RAPGEF3: variants seen among roughly 807,000 people sequenced by gnomAD.
RAPGEF3 encodes the protein Rap guanine nucleotide exchange factor 3.
Under a neutral mutation model 129.8 loss-of-function variants are expected in RAPGEF3, and 103 were observed. That is an observed-to-expected ratio of 0.79 (90% confidence interval 0.68 to 0.93). The LOEUF (loss-of-function observed/expected upper bound fraction) is 0.93. Among genes scored for constraint, RAPGEF3 ranks in the 40% least tolerant of loss-of-function variants. RAPGEF3 has a pLI of 0.00. For synonymous variants in RAPGEF3, 436 were observed against 482.6 expected, an observed-to-expected ratio of 0.90 and a Z score of 1.26; for missense variants, 1,117 against 1,207.4, an observed-to-expected ratio of 0.93 and a Z score of 1.11.
rs1385599771 is a variant in RAPGEF3, at chr12:47,747,537, G to A, written c.1556+7C>T. 6.2e-7 allele frequency: 1 copy of A among 1,612,862 alleles called. No individual in the cohort carries two copies. ...GAAATGACAAATTAACAGAGTCAAAGCATCACCTGTGGCATCGCCGCCTCT... is the reference window on the plus strand; with the variant it reads ...GAAATGACAAATTAACAGAGTCAAAACATCACCTGTGGCATCGCCGCCTCT... On this transcript the variant is annotated splice_region_variant and intron_variant, in intron 15 of 27. Transcript: ENST00000449771.
At chr12:47,741,731 G>A in intron 18 of RAPGEF3, 129 bp from the exon 19 acceptor site, 1 of 749,286 alleles carries the variant, frequency 1.3e-6, no homozygotes, top group Non-Finnish European at 2.3e-6. Flanking sequence ...TTGAAGTCCT[G>A]GGTGGTGCTC....
At chr12:47,751,594 G>T (rs1398503544) in intron 4 of RAPGEF3, 74 bp from the exon 5 acceptor site, 2 of 1,604,416 alleles carry the variant, frequency 1.2e-6, no homozygotes, top group Admixed American at 1.7e-5. Flanking sequence ...CATTAGAAAG[G>T]CACCCTCTGA....
At position 47,749,913 on chromosome 12, in the gene RAPGEF3, T is replaced by C. The variant is rs777412170; in HGVS notation, c.817+17A>G. 1.2e-6 allele frequency: 2 copies of C among 1,614,214 alleles called. No homozygotes were observed. Among genetic ancestry groups the C allele is most frequent in the Non-Finnish European group, 8.5e-7 (1 of 1,180,026 alleles). ...TCCAGGCCCTGTGCCTGGCTTCTTA[T>C]GCCCTGCTGGACTTACACACGGTCC... On this transcript the variant is annotated intron_variant, in intron 8 of 27. Transcript: ENST00000449771. The surrounding 1 kb of genome is among the most constrained non-coding windows in gnomAD (Gnocchi z 4.5).
intron 7 of RAPGEF3, 46 bp downstream of exon 7, chr12:47,750,295 G>A (rs1367775504): frequency 1.3e-6 from 2 of 1,556,986 alleles, no homozygotes; most frequent in Admixed American, 3.4e-5. Flanking sequence ...GTCACAGGAA[G>A]AGAAGATGCC....
chr12:47,752,022 T>G (rs1247517781), intron 2 of RAPGEF3, 53 bp from the exon 3 acceptor site: 5 of 1,582,290 alleles, frequency 3.2e-6, no homozygotes, highest in Non-Finnish European at 4.3e-6. Context: ...CAAGCCCAGC[T>G]CTTGGATACC....
intron 11 of RAPGEF3, 57 bp from the exon 12 acceptor site, chr12:47,748,599 G>A: frequency 7.1e-7 from 1 of 1,415,842 alleles, no homozygotes; most frequent in Non-Finnish European, 9.9e-7. Flanking sequence ...TCCCACACCT[G>A]GGCAGACATC....
At chr12:47,741,202 G>A (rs547409724) in intron 19 of RAPGEF3, 162 bp from the exon 20 acceptor site, 49 of 949,884 alleles carry the variant, frequency 5.2e-5, no homozygotes, top group Middle Eastern at 3.4e-4. Context: ...GCAGCTGGAG[G>A]ATAGGGCTCC....
rs773924035 is a variant in RAPGEF3, at chr12:47,757,907, G to A, written c.178C>T (p.Leu60=). 4 of 1,556,914 alleles carry A rather than the reference G, an allele frequency of 2.6e-6. No individual in the cohort carries two copies. The highest frequency in any genetic ancestry group is 1.7e-6 in the Non-Finnish European group (2 of 1,150,372). ...RPRSCSYQLL[L]EHQRPSCIQG... ...ATGCAGCTCGGACGCTGGTGCTCCA[G>A]CAGCAGCTGGTAGGAGCAGCTTCGG... The change falls in exon 2 of 28, where the codon CTG becomes TTG. Residue 60 remains leucine (L), a synonymous_variant. Coordinates refer to ENST00000449771, the MANE Select transcript of RAPGEF3 (RefSeq NM_001098531.4).
Position 47,749,408 on chromosome 12 carries a change from G to A in RAPGEF3, c.1023C>T (p.Asp341=), listed in dbSNP as rs1941611948. The A allele has an allele frequency of 6.2e-7, 1 of 1,612,934 alleles. No homozygotes were observed. Residue 341 remains aspartate (D), a synonymous_variant, in exon 10 of 28, where the codon GAC becomes GAT. Coordinates refer to ENST00000449771, the MANE Select transcript of RAPGEF3 (RefSeq NM_001098531.4). This position sits in a 1 kb window ranked among gnomAD's most constrained non-coding sequence, Gnocchi z 4.5. ...NCHFLRVDKQ[D]FNRIIKDVEA... The stretch of plus-strand genomic sequence containing the variant: ...GCAGCACCTTGATGATACGGTTGAA[G>A]TCCTGCTTGTCCACACGCAGGAAAT...
In RAPGEF3 at chr12:47,749,805, C is replaced by G; in HGVS notation, c.830G>C (p.Gly277Ala). The G allele has an allele frequency of 6.2e-7, 1 of 1,614,194 alleles. No homozygotes were observed. The highest frequency in any genetic ancestry group is 1.1e-5 in the South Asian group (1 of 91,082). The change falls in exon 9 of 28, where the codon GGG (glycine) becomes GCG (alanine). Residue 277 changes from glycine to alanine, a missense_variant. Coordinates refer to ENST00000449771, the MANE Select transcript of RAPGEF3 (RefSeq NM_001098531.4). This position sits in a 1 kb window ranked among gnomAD's most constrained non-coding sequence, Gnocchi z 4.5. ...SKAGTVLFSQGDKGTSWYIIW... is the reference protein window; with the variant it reads ...SKAGTVLFSQADKGTSWYIIW... ...AATGTACCACGAAGTGCCCTTGTCC[C>G]CCTGGCTGAACACTGACAGAAGCAT...
intron 23 of RAPGEF3, chr12:47,739,504 C>G (rs931991198): frequency 2.0e-5 from 13 of 650,910 alleles, no homozygotes; most frequent in Middle Eastern, 2.4e-4. Context: ...CCTTTCTATC[C>G]CTGTCTCTTT....
chr12:47,750,445 G>A lies in RAPGEF3; in HGVS notation c.672-20C>T, dbSNP rs1941677050. Reference sequence around the variant, plus strand: ...CCTGGGCTGCAGGGACAGGAGGAATGGGAGCACACTGTGAACTGTGGGCCC... The same window carrying A: ...CCTGGGCTGCAGGGACAGGAGGAATAGGAGCACACTGTGAACTGTGGGCCC... On this transcript the variant is annotated intron_variant, in intron 6 of 27. Coordinates refer to ENST00000449771, the MANE Select transcript of RAPGEF3 (RefSeq NM_001098531.4). The A allele has an allele frequency of 1.2e-6, 2 of 1,606,102 alleles. No homozygotes were observed. Among genetic ancestry groups the A allele is most frequent in the Non-Finnish European group, 8.5e-7 (1 of 1,175,314 alleles).
chr12:47,739,378 C>G (rs1403161476), intron 23 of RAPGEF3, 148 bp from the exon 24 acceptor site: 1 of 728,960 alleles, frequency 1.4e-6, no homozygotes, highest in Non-Finnish European at 2.5e-6. Flanking sequence ...CACCCAGGCT[C>G]TGTCACAGGC....
intron 4 of RAPGEF3, 75 bp from the exon 5 acceptor site, chr12:47,751,595 C>T (rs1592567570): frequency 1.2e-6 from 2 of 1,604,282 alleles, no homozygotes; most frequent in Non-Finnish European, 1.7e-6. Flanking sequence ...ATTAGAAAGG[C>T]ACCCTCTGAG....
chr12:47,748,636 AT>A, intron 11 of RAPGEF3, 94 bp from the exon 12 acceptor site: 1 of 1,193,152 alleles, frequency 8.4e-7, no homozygotes, highest in Non-Finnish European at 1.2e-6. Context: ...ATTTTTCTCC[AT>A]TAGCCAGCCC....
chr12:47,741,647 G>A, intron 18 of RAPGEF3, 45 bp from the exon 19 acceptor site: 2 of 1,475,688 alleles, frequency 1.4e-6, no homozygotes, highest in African/African-American at 2.8e-5. Context: ...AGGGAGGGAG[G>A]CCGGGGACCA....
intron 18 of RAPGEF3, chr12:47,741,818 A>T: frequency 1.7e-6 from 1 of 580,678 alleles, no homozygotes; most frequent in Non-Finnish European, 3.1e-6. Flanking sequence ...AAAGATTCTC[A>T]GTGAGTCAGG....
At position 47,747,602 on chromosome 12, in the gene RAPGEF3, C is replaced by T. The variant is rs1229957737; in HGVS notation, c.1498G>A (p.Asp500Asn). 6.2e-7 allele frequency: 1 copy of T among 1,613,996 alleles called. No individual in the cohort carries two copies. The highest frequency in any genetic ancestry group is 1.3e-5 in the African/African-American group (1 of 74,926). ...CTCAGCAGGTTGCTGAGTCGGGTGT[C>T]CCTGCCCACCAGGTCTGAGAGTTTC... ...LQKLSDLVGR[D>N]TRLSNLLREQ... The change falls in exon 15 of 28, where the codon GAC becomes AAC. Residue 500 changes from aspartate to asparagine, a missense_variant. By Grantham distance (23) the Asp-to-Asn change is conservative. Around this residue, in one of 3 missense-constraint regions of RAPGEF3, gnomAD observed 643 missense variants for 673.4 expected, o/e 0.95. Coordinates refer to ENST00000449771, the MANE Select transcript of RAPGEF3 (RefSeq NM_001098531.4).
At chr12:47,748,384 C>T (rs548428326) in intron 12 of RAPGEF3, 70 bp downstream of exon 12, 106 of 1,422,796 alleles carry the variant, frequency 7.5e-5, no homozygotes, top group Non-Finnish European at 9.5e-5. Context: ...TGCAGGGTAC[C>T]TGGCTCTCTC....
Sources: allele counts gnomAD v4.1 joint callset, GRCh38; gene constraint gnomAD v4.1.1; regional missense constraint gnomAD v4.1.1; non-coding constraint Gnocchi (gnomAD v3.1); transcripts MANE v1.5; gene names NCBI Gene and HGNC (gene_info 2026-07-23, HGNC 2026-07-21).